FOXP4: variants seen among roughly 807,000 people sequenced by gnomAD.
FOXP4 encodes the protein forkhead box protein P4.
Under a neutral mutation model 82.6 loss-of-function variants are expected in FOXP4, and 25 were observed. The ratio of observed to expected loss-of-function variants is 0.30; its 90% CI spans 0.22 to 0.42. The LOEUF is 0.42. Among genes scored for constraint, FOXP4 ranks in the 10% least tolerant of loss-of-function variants. FOXP4 has a pLI of 1.00. For missense variants in FOXP4, 785 were observed against 900.9 expected (o/e 0.87, Z 1.65); for synonymous variants, 415 against 388.2 (o/e 1.07, Z -0.81).
At position 41,597,766 on chromosome 6, in the gene FOXP4, C is replaced by T. The variant is rs752376241; in HGVS notation, c.1726-15C>T. ...TGTGGAGCCACTGACGAGGCCCAAC[C>T]CTGTGCCCCTGCAGGCCGCCCTGGC... On this transcript the variant is annotated splice_polypyrimidine_tract_variant and intron_variant, in intron 15 of 16. Transcript: ENST00000307972. 3.7e-6 allele frequency: 6 copies of T among 1,604,116 alleles called. No homozygotes were observed. The Admixed American group carries it at 8.4e-5, about 22-fold the overall frequency.
At chr6:41,567,592 A>G (rs1310495873) in intron 2 of FOXP4, among the ~76,000 whole-genome samples, 1 of 152,258 alleles carries the variant, frequency 6.6e-6, no homozygotes, top group East Asian at 1.9e-4. Flanking sequence ...CTGTGCAGAC[A>G]GAGTTATGAA....
At chr6:41,549,389 G>T (rs140063113) in intron 1 of FOXP4, among the ~76,000 whole-genome samples, 1 of 152,118 alleles carries the variant, frequency 6.6e-6, no homozygotes, top group Non-Finnish European at 1.5e-5. Flanking sequence ...CCCTTTCTGT[G>T]TAGGGATCTT....
rs1458149938 is a variant in FOXP4, at chr6:41,600,307, C to G, written c.*1371C>G. The stretch of plus-strand genomic sequence containing the variant: ...CTTCCTGGGGGCTCTCCAGACCCCT[C>G]TCTAGGACCAAGTCACCCGTCGTGC... On this transcript the variant is annotated 3_prime_UTR_variant, in exon 17 of 17. Transcript: ENST00000307972. 1 of 152,700 alleles carries G rather than the reference C, an allele frequency of 6.5e-6. No individual in the cohort carries two copies. Among genetic ancestry groups the G allele is most frequent in the Non-Finnish European group, 1.5e-5 (1 of 68,196 alleles). 9.5% of individuals were successfully genotyped at this position (152,700 alleles called of 1,614,324 possible). A position where few individuals can be genotyped will look rare whatever the true frequency, so the allele number is the denominator to read the frequency against.
chr6:41,590,616 G>C (rs562135068), intron 12 of FOXP4, among the ~76,000 whole-genome samples: 2 of 152,054 alleles, frequency 1.3e-5, no homozygotes, highest in African/African-American at 4.8e-5. Flanking sequence ...TCATTTCCAC[G>C]TACACAGCCC....
At chr6:41,586,709 G>T (rs1242544064) in intron 5 of FOXP4, among the ~76,000 whole-genome samples, 1 of 152,262 alleles carries the variant, frequency 6.6e-6, no homozygotes, top group African/African-American at 2.4e-5. Context: ...TGCGGTGCAG[G>T]GAGCTGAAGC....
intron 1 of FOXP4, among the ~76,000 whole-genome samples, chr6:41,556,996 C>G (rs1764315294): frequency 1.3e-5 from 2 of 152,156 alleles, no homozygotes; most frequent in South Asian, 4.1e-4. Context: ...CTTACCTGCC[C>G]ATTAGTCTTT....
At chr6:41,583,043 CA>C (rs1765892134) in intron 3 of FOXP4, among the ~76,000 whole-genome samples, 1 of 152,112 alleles carries the variant, frequency 6.6e-6, no homozygotes, top group South Asian at 2.1e-4. Context: ...CAACAAAGAA[CA>C]AAAAACACTC....
chr6:41,562,546 T>C (rs78519685), intron 1 of FOXP4, among the ~76,000 whole-genome samples: 1,714 of 152,228 alleles, frequency 0.011, 26 homozygotes, highest in African/African-American at 0.039. Context: ...CCTCCTTCCT[T>C]CTTTCTCTTT....
At chr6:41,574,963 GTGTTT>G (rs1178902263) in intron 2 of FOXP4, among the ~76,000 whole-genome samples, 15 of 150,658 alleles carry the variant, frequency 1.0e-4, no homozygotes, top group African/African-American at 3.2e-4. Flanking sequence ...GTTTTGTTTT[GTGTTT>G]TGTTTTGTTT....
Position 41,591,194 on chromosome 6 carries a change from G to A in FOXP4, c.1435-27G>A, listed in dbSNP as rs758124541. ...TGACCCTTCGAGGCCCAGGCTGACG[G>A]TCCCTTTGCTTGTTCCTTCCCCGCA... On this transcript the variant is annotated intron_variant, in intron 12 of 16. Coordinates refer to ENST00000307972, the MANE Select transcript of FOXP4 (RefSeq NM_001012426.2). This position sits in a 1 kb window ranked among gnomAD's most constrained non-coding sequence, Gnocchi z 4.2. 1 of 1,582,910 alleles carries A rather than the reference G, an allele frequency of 6.3e-7. No individual in the cohort carries two copies. Among genetic ancestry groups the A allele is most frequent in the Non-Finnish European group, 8.6e-7 (1 of 1,160,628 alleles).
Position 41,593,737 on chromosome 6 carries a change from A to G in FOXP4, c.1537-1133A>G, listed in dbSNP as rs540644072. Among the ~76,000 whole-genome samples, 43 of 152,338 alleles carry G rather than the reference A, an allele frequency of 2.8e-4. No homozygotes were observed. The highest frequency in any genetic ancestry group is 5.6e-4 in the Non-Finnish European group (38 of 68,034). ...CCTCGTGGATTAGCAAGCGAGTCGGAAAAATACACAGGATTTAATTAGAGG... is the reference window on the plus strand; with the variant it reads ...CCTCGTGGATTAGCAAGCGAGTCGGGAAAATACACAGGATTTAATTAGAGG... On this transcript the variant is annotated intron_variant, in intron 13 of 16. Coordinates refer to ENST00000307972, the MANE Select transcript of FOXP4 (RefSeq NM_001012426.2). This position sits in a 1 kb window ranked among gnomAD's most constrained non-coding sequence, Gnocchi z 4.1.
chr6:41,585,004 T>C, intron 4 of FOXP4, 113 bp downstream of exon 4: 1 of 1,383,424 alleles, frequency 7.2e-7, no homozygotes, highest in Non-Finnish European at 9.6e-7. Flanking sequence ...GAGAGACTGC[T>C]CAGGCCAGAC....
At chr6:41,581,001 A>T (rs6917258) in intron 3 of FOXP4, among the ~76,000 whole-genome samples, 8 of 152,368 alleles carry the variant, frequency 5.3e-5, no homozygotes, top group Admixed American at 5.2e-4. Context: ...CCAGGGAGAG[A>T]CCTATCATAG....
At chr6:41,576,917 G>T (rs988820183) in intron 2 of FOXP4, among the ~76,000 whole-genome samples, 7 of 152,148 alleles carry the variant, frequency 4.6e-5, no homozygotes, top group South Asian at 2.1e-4. Flanking sequence ...GAGCAATCTG[G>T]AAGCAGATAA....
chr6:41,587,455 T>C lies in FOXP4; in HGVS notation c.815T>C (p.Leu272Pro), dbSNP rs753448087. 4 of 1,552,002 alleles carry C rather than the reference T, an allele frequency of 2.6e-6. No individual in the cohort carries two copies. Among genetic ancestry groups the C allele is most frequent in the South Asian group, 1.2e-5 (1 of 80,514 alleles). Reference sequence around the variant, plus strand: ...GCTCCCCCCAAGGTCTCACCCCCCCTCTCCCACCATACCCTGCCCAACGGA... The same window carrying C: ...GCTCCCCCCAAGGTCTCACCCCCCCCCTCCCACCATACCCTGCCCAACGGA... ...FAAPPKVSPP[L>P]SHHTLPNGQP... is the part of the protein sequence containing the mutation. The change falls in exon 7 of 17, where the codon CTC becomes CCC. Residue 272 changes from leucine (L) to proline (P), a missense_variant. Coordinates refer to ENST00000307972, the MANE Select transcript of FOXP4 (RefSeq NM_001012426.2).
intron 13 of FOXP4, 37 bp from the exon 14 acceptor site, chr6:41,594,833 C>G: frequency 6.2e-7 from 1 of 1,611,780 alleles, no homozygotes; most frequent in Non-Finnish European, 8.5e-7. Context: ...CTTGGCCAAG[C>G]AAGCCGCCTC....
intron 1 of FOXP4, 32 bp downstream of exon 1, chr6:41,546,899 T>G (rs891202631): frequency 2.1e-5 from 3 of 143,308 alleles, no homozygotes; most frequent in Non-Finnish European, 3.1e-5. Context: ...GGGACGTGGG[T>G]GGGGGCTGGG....
intron 1 of FOXP4, among the ~76,000 whole-genome samples, chr6:41,548,123 T>C (rs1483982117): frequency 6.6e-6 from 1 of 152,174 alleles, no homozygotes; most frequent in Non-Finnish European, 1.5e-5. Flanking sequence ...GCCCCGCTCT[T>C]TCCTTTGCTC....
intron 1 of FOXP4, among the ~76,000 whole-genome samples, chr6:41,547,098 C>T (rs1051067431): frequency 6.6e-6 from 1 of 151,834 alleles, no homozygotes; most frequent in African/African-American, 2.4e-5. Flanking sequence ...CGCGACATTC[C>T]GCCCCTGGCC....
Sources: allele counts gnomAD v4.1 joint callset (sites outside exome capture counted in the v4.1 genomes callset), GRCh38; gene constraint gnomAD v4.1.1; non-coding constraint Gnocchi (gnomAD v3.1); transcripts MANE v1.5; gene names NCBI Gene and HGNC (gene_info 2026-07-23, HGNC 2026-07-21).